Variants in GPC5 observed in about 807,000 individuals in gnomAD.
GPC5 encodes glypican-5.
GPC5 carries 47 observed loss-of-function variants against 53.9 expected under a neutral mutation model. The observed-to-expected ratio is 0.87, with a 90% confidence interval of 0.69 to 1.11. The LOEUF is 1.11. GPC5 is among the 50% of genes most tolerant of loss of function. The pLI is 0.00. For synonymous variants in GPC5, 286 were observed against 263.3 expected, an observed-to-expected ratio of 1.09 and a Z score of -0.84; for missense variants, 748 against 713.1, an observed-to-expected ratio of 1.05 and a Z score of -0.56.
intron 7 of GPC5, among the ~76,000 whole-genome samples, chr13:92,443,139 T>A (rs1309526138): frequency 6.6e-6 from 1 of 152,144 alleles, no homozygotes; most frequent in Admixed American, 6.5e-5. Context: ...AGCAGGCATG[T>A]CACATGGTGT....
intron 2 of GPC5, among the ~76,000 whole-genome samples, chr13:91,592,009 C>T (rs2032818006): frequency 6.6e-6 from 1 of 152,152 alleles, no homozygotes; most frequent in African/African-American, 2.4e-5. Context: ...TAAAGGGATA[C>T]TTGCTTTTTA....
At chr13:91,680,219 G>A (rs560101343) in intron 2 of GPC5, among the ~76,000 whole-genome samples, 1 of 152,312 alleles carries the variant, frequency 6.6e-6, no homozygotes, top group African/African-American at 2.4e-5. Context: ...GGGAGGCCGA[G>A]GGGGGCAGAT....
chr13:91,659,619 C>A (rs1236081326), intron 2 of GPC5, among the ~76,000 whole-genome samples: 1 of 152,126 alleles, frequency 6.6e-6, no homozygotes, highest in East Asian at 1.9e-4. Context: ...TAGGAGTAGT[C>A]CCTTTCAAGG....
At chr13:91,518,006 A>G (rs1030050196) in intron 2 of GPC5, among the ~76,000 whole-genome samples, 1 of 152,226 alleles carries the variant, frequency 6.6e-6, no homozygotes, top group East Asian at 1.9e-4. Context: ...ATTTCGGCGA[A>G]GACACAGCCA....
chr13:92,297,473 A>C (rs1271869357), intron 7 of GPC5, among the ~76,000 whole-genome samples: 2 of 129,980 alleles, frequency 1.5e-5, no homozygotes, highest in Non-Finnish European at 3.2e-5. Context: ...ACCAATCGGC[A>C]CTCTGTATCT....
At chr13:92,429,277 A>T (rs1180339554) in intron 7 of GPC5, among the ~76,000 whole-genome samples, 1 of 152,038 alleles carries the variant, frequency 6.6e-6, no homozygotes, top group East Asian at 1.9e-4. Flanking sequence ...AGAATCATTA[A>T]GTTCCTCCCC....
chr13:92,125,435 C>G (rs2041686785), intron 6 of GPC5, among the ~76,000 whole-genome samples: 1 of 151,952 alleles, frequency 6.6e-6, no homozygotes, highest in South Asian at 2.1e-4. Flanking sequence ...TTTTAATAGT[C>G]CAATGAAGAG....
At chr13:91,678,516 T>G (rs562807659) in intron 2 of GPC5, among the ~76,000 whole-genome samples, 1 of 152,244 alleles carries the variant, frequency 6.6e-6, no homozygotes, top group South Asian at 2.1e-4. Flanking sequence ...GAAGAAGAGA[T>G]AAGATGCTTC....
chr13:92,774,459 T>C (rs1265306335), intron 7 of GPC5, among the ~76,000 whole-genome samples: 1 of 152,208 alleles, frequency 6.6e-6, no homozygotes, highest in Admixed American at 6.5e-5. Flanking sequence ...AACTGAAGGA[T>C]ACATAGTTCC....
chr13:92,079,233 G>A (rs1383151607), intron 6 of GPC5, among the ~76,000 whole-genome samples: 2 of 151,952 alleles, frequency 1.3e-5, no homozygotes, highest in Non-Finnish European at 2.9e-5. Context: ...TGTATTTTTA[G>A]TAGAGATGAG....
At chr13:92,584,140 AT>A (rs1214869467) in intron 7 of GPC5, among the ~76,000 whole-genome samples, 2 of 152,200 alleles carry the variant, frequency 1.3e-5, no homozygotes, top group Non-Finnish European at 2.9e-5. Flanking sequence ...ACTCCAAAAT[AT>A]GGAAGCAACT....
At chr13:91,478,188 C>T (rs1594139902) in intron 2 of GPC5, among the ~76,000 whole-genome samples, 1 of 151,292 alleles carries the variant, frequency 6.6e-6, no homozygotes, top group East Asian at 1.9e-4. Flanking sequence ...AATCTTTTTA[C>T]CAGACACTTA....
chr13:92,705,625 A>T (rs1339787996), intron 7 of GPC5, among the ~76,000 whole-genome samples: 1 of 152,126 alleles, frequency 6.6e-6, no homozygotes, highest in Non-Finnish European at 1.5e-5. Flanking sequence ...TCTCAACTAC[A>T]TGTTTTCCTT....
intron 7 of GPC5, among the ~76,000 whole-genome samples, chr13:92,416,424 T>C (rs1876292159): frequency 6.6e-6 from 1 of 152,172 alleles, no homozygotes; most frequent in South Asian, 2.1e-4. Flanking sequence ...ATGCTTCAAT[T>C]TGCTGTATGA....
chr13:91,899,797 A>T (rs569424898), intron 5 of GPC5, among the ~76,000 whole-genome samples: 4 of 152,290 alleles, frequency 2.6e-5, no homozygotes, highest in African/African-American at 9.6e-5. Flanking sequence ...AAGGATTGCC[A>T]GGAGCAAGGG....
intron 6 of GPC5, among the ~76,000 whole-genome samples, chr13:92,105,404 T>A (rs1445239503): frequency 1.3e-5 from 2 of 152,110 alleles, no homozygotes; most frequent in Non-Finnish European, 2.9e-5. Context: ...ACAAATGAAA[T>A]CTTTAACTTT....
chr13:92,411,967 C>T (rs1196705471), intron 7 of GPC5, among the ~76,000 whole-genome samples: 2 of 152,122 alleles, frequency 1.3e-5, no homozygotes, highest in African/African-American at 2.4e-5. Context: ...TTTGCACCAA[C>T]CTAAATATCT....
At chr13:92,409,677 AATCT>A (rs76427207) in intron 7 of GPC5, among the ~76,000 whole-genome samples, 2,368 of 152,234 alleles carry the variant, frequency 0.016, 99 homozygotes, top group East Asian at 0.12. Flanking sequence ...TGTTTCAAAG[AATCT>A]ATCCTAGAGC....
intron 7 of GPC5, among the ~76,000 whole-genome samples, chr13:92,748,054 C>A (rs1010649517): frequency 2.0e-5 from 3 of 151,200 alleles, no homozygotes; most frequent in Non-Finnish European, 4.4e-5. Context: ...TATGAATATG[C>A]AAAAAAGGGT....
Sources: allele counts gnomAD v4.1 joint callset (sites outside exome capture counted in the v4.1 genomes callset), GRCh38; gene constraint gnomAD v4.1.1; transcripts MANE v1.5; gene names NCBI Gene and HGNC (gene_info 2026-07-23, HGNC 2026-07-21).